The following BMPER variants were observed in gnomAD, a reference collection of about 807,000 sequenced individuals.
BMPER encodes the protein BMP-binding endothelial regulator protein.
A neutral mutation model predicts 87.3 loss-of-function variants in BMPER; 45 were observed. That is an observed-to-expected ratio of 0.52 (90% CI 0.41 to 0.66). The LOEUF (loss-of-function observed/expected upper bound fraction) is 0.66, where lower values mean the gene tolerates loss of function less well. BMPER is among the 30% of genes least tolerant of loss of function. The pLI is 0.00. For missense variants in BMPER, 784 were observed against 867.5 expected, an observed-to-expected ratio of 0.90 and a Z score of 1.21; for synonymous variants, 326 against 316.2, an observed-to-expected ratio of 1.03 and a Z score of -0.33.
intron 10 of BMPER, among the ~76,000 whole-genome samples, chr7:34,060,728 G>A (rs1472018905): frequency 6.6e-6 from 1 of 152,180 alleles, no homozygotes; most frequent in Non-Finnish European, 1.5e-5. Flanking sequence ...GAGCCATGTG[G>A]CTTTGACATG....
chr7:34,087,793 C>T (rs1365721280), intron 13 of BMPER, among the ~76,000 whole-genome samples: 1 of 152,216 alleles, frequency 6.6e-6, no homozygotes, highest in Non-Finnish European at 1.5e-5. Flanking sequence ...AAGCAGCCTA[C>T]ACCTTTGATT....
intron 4 of BMPER, among the ~76,000 whole-genome samples, chr7:33,968,374 C>T (rs1345661307): frequency 6.6e-6 from 1 of 152,190 alleles, no homozygotes; most frequent in African/African-American, 2.4e-5. Flanking sequence ...TATGAGACCT[C>T]ATCTTGGAAT....
chr7:33,970,243 C>T, intron 4 of BMPER, 86 bp from the exon 5 acceptor site: 2 of 1,354,840 alleles, frequency 1.5e-6, no homozygotes, highest in Non-Finnish European at 2.1e-6. Context: ...TGTGCTTGAG[C>T]ACTTCTCCTA....
intron 13 of BMPER, among the ~76,000 whole-genome samples, chr7:34,120,438 G>A (rs1470104996): frequency 6.7e-6 from 1 of 149,390 alleles, no homozygotes; most frequent in East Asian, 2.1e-4. Context: ...TGCTCTCGTT[G>A]CCCAGACTGG....
chr7:34,105,790 T>TGG (rs1789803148), intron 13 of BMPER, among the ~76,000 whole-genome samples: 1 of 152,206 alleles, frequency 6.6e-6, no homozygotes, highest in Non-Finnish European at 1.5e-5. Flanking sequence ...CAAACTAACA[T>TGG]GGCCCATGAG....
intron 13 of BMPER, among the ~76,000 whole-genome samples, chr7:34,124,186 G>A (rs977733506): frequency 7.2e-5 from 11 of 152,140 alleles, no homozygotes; most frequent in Middle Eastern, 3.4e-3. Context: ...CCAACTGCTC[G>A]CTCTCCTCTT....
At chr7:33,911,343 A>G (rs1032514201) in intron 2 of BMPER, among the ~76,000 whole-genome samples, 14 of 152,252 alleles carry the variant, frequency 9.2e-5, no homozygotes, top group African/African-American at 3.4e-4. Flanking sequence ...TCACACAGTT[A>G]CTAAGAGACA....
chr7:34,136,771 T>C (rs1472822841), intron 13 of BMPER, among the ~76,000 whole-genome samples: 1 of 152,252 alleles, frequency 6.6e-6, no homozygotes, highest in Admixed American at 6.5e-5. Context: ...ATTGTCCAGC[T>C]GAAGACCCTT....
chr7:34,140,714 C>T (rs10224983), intron 13 of BMPER, among the ~76,000 whole-genome samples: 5 of 152,240 alleles, frequency 3.3e-5, no homozygotes, highest in South Asian at 4.1e-4. Flanking sequence ...TCATAAGACA[C>T]GTAGAAATCA....
chr7:33,941,279 G>C (rs1246527697), intron 3 of BMPER, among the ~76,000 whole-genome samples: 1 of 147,464 alleles, frequency 6.8e-6, no homozygotes, highest in Admixed American at 7.0e-5. Flanking sequence ...ACACAATGGG[G>C]TCTCCTTAGC....
intron 6 of BMPER, among the ~76,000 whole-genome samples, chr7:34,024,377 AAAAAACAATATATATATAT>A (rs1787287982): frequency 1.1e-5 from 1 of 90,894 alleles, no homozygotes. Flanking sequence ...AAAAAAAAAA[AAAAAACAATATATATATAT>A]ATATATATAT....
At chr7:33,965,031 T>C (rs1393082169) in intron 3 of BMPER, among the ~76,000 whole-genome samples, 2 of 152,216 alleles carry the variant, frequency 1.3e-5, no homozygotes, top group East Asian at 3.8e-4. Context: ...TTCAGTAAGA[T>C]TTATGCTAGC....
At chr7:34,140,531 T>C (rs530835089) in intron 13 of BMPER, among the ~76,000 whole-genome samples, 1 of 152,348 alleles carries the variant, frequency 6.6e-6, no homozygotes, top group African/African-American at 2.4e-5. Context: ...TCCTTAGTTT[T>C]ACAGAACGGC....
chr7:34,148,908 G>A (rs923254916), intron 14 of BMPER, among the ~76,000 whole-genome samples: 3 of 152,226 alleles, frequency 2.0e-5, no homozygotes, highest in African/African-American at 7.2e-5. Context: ...GAGGGCAAGT[G>A]AGTTGAAAGA....
intron 14 of BMPER, among the ~76,000 whole-genome samples, chr7:34,145,270 G>T (rs1790987327): frequency 6.6e-6 from 1 of 152,116 alleles, no homozygotes; most frequent in Non-Finnish European, 1.5e-5. Context: ...CCTTGGTGCA[G>T]TCACTAGTCT....
chr7:33,926,277 C>T (rs1467725809), intron 2 of BMPER, among the ~76,000 whole-genome samples: 1 of 152,176 alleles, frequency 6.6e-6, no homozygotes, highest in Non-Finnish European at 1.5e-5. Flanking sequence ...AGTTTATAGC[C>T]CCATGCCACA....
intron 3 of BMPER, among the ~76,000 whole-genome samples, chr7:33,945,383 T>G (rs2128611766): frequency 6.6e-6 from 1 of 151,668 alleles, no homozygotes; most frequent in Admixed American, 6.6e-5. Context: ...CCTAAGCAGC[T>G]GGAATTACAG....
At chr7:34,150,055 C>G (rs1467088364) in intron 14 of BMPER, among the ~76,000 whole-genome samples, 1 of 151,972 alleles carries the variant, frequency 6.6e-6, no homozygotes, top group Non-Finnish European at 1.5e-5. Flanking sequence ...AGGATGGGTG[C>G]AAATGACAAG....
chr7:34,091,747 T>C (rs1789387436), intron 13 of BMPER, among the ~76,000 whole-genome samples: 1 of 152,176 alleles, frequency 6.6e-6, no homozygotes, highest in Admixed American at 6.5e-5. Flanking sequence ...CTGCTCAAGG[T>C]CATCACCAAG....
Sources: allele counts gnomAD v4.1 joint callset (sites outside exome capture counted in the v4.1 genomes callset), GRCh38; gene constraint gnomAD v4.1.1; transcripts MANE v1.5; gene names NCBI Gene and HGNC (gene_info 2026-07-23, HGNC 2026-07-21).